The following RRN3 variants were observed in gnomAD, a reference collection of about 807,000 sequenced individuals.
RRN3 encodes RNA polymerase I-specific transcription initiation factor RRN3.
Under a neutral mutation model 82.3 loss-of-function variants are expected in RRN3, and 38 were observed. That is an observed-to-expected ratio of 0.46 (90% CI 0.36 to 0.61). The LOEUF is 0.61. Ranked by LOEUF, RRN3 falls within the 20% of genes least tolerant of loss-of-function variation. The probability of loss-of-function intolerance (pLI) is 0.00; values close to 1 mark genes in which losing one functional copy is unlikely to be tolerated. For missense variants in RRN3, 726 were observed against 793.1 expected, an observed-to-expected ratio of 0.92 and a Z score of 1.02; for synonymous variants, 284 against 284.3, an observed-to-expected ratio of 1.00 and a Z score of 0.01.
At chr16:15,078,971 C>G (rs1052318202) in intron 9 of RRN3, among the ~76,000 whole-genome samples, 26 of 151,984 alleles carry the variant, frequency 1.7e-4, no homozygotes, top group Non-Finnish European at 2.6e-4. Flanking sequence ...ACCACCATAC[C>G]CGGCCAATTT....
intron 8 of RRN3, 46 bp downstream of exon 8, chr16:15,083,467 G>A (rs567670200): frequency 7.5e-6 from 12 of 1,605,272 alleles, no homozygotes; most frequent in East Asian, 2.2e-5. Flanking sequence ...AAATGAAATC[G>A]TACAAACAAC....
rs2045843263 is a variant in RRN3 at position 15,084,649 on chromosome 16, CAT to C, written c.587_588del (p.Tyr196CysfsTer32). ...AAGGAAAAGTATACTCACGATGGTA[CAT>C]ATCTTGCTATTATTTGCAAGGCTCT... ...CHRALQIIAR[Y>X]VPSTPWFLMP... On this transcript the variant is annotated frameshift_variant, in exon 7 of 18. Coordinates refer to ENST00000198767, the MANE Select transcript of RRN3 (RefSeq NM_018427.5). LOFTEE classifies it high-confidence loss of function. 1 of 1,605,940 alleles carries C rather than the reference CAT, an allele frequency of 6.2e-7. No homozygotes were observed.
rs1227541118 is a variant in RRN3 at position 15,061,132 on chromosome 16, G to A, written c.*612C>T. 1 of 152,148 alleles carries A rather than the reference G, an allele frequency of 6.6e-6. No individual in the cohort carries two copies. The highest frequency in any genetic ancestry group is 2.4e-5 in the African/African-American group (1 of 41,406). The allele number at this position is 152,148 out of a possible 1,614,324, so 9.4% of individuals were successfully genotyped here. ...GCTTTTATTGGTCTCTGAAGTCCCT[G>A]GAGATCTTCAGTGCCAGCTCCAACT... On this transcript the variant is annotated 3_prime_UTR_variant, in exon 18 of 18. Coordinates refer to ENST00000198767, the MANE Select transcript of RRN3 (RefSeq NM_018427.5).
intron 1 of RRN3, chr16:15,093,907 GAC>G (rs1397556102): frequency 1.9e-6 from 1 of 536,684 alleles, no homozygotes; most frequent in Non-Finnish European, 3.2e-6. Context: ...ATCACGAAGA[GAC>G]ACAGTCGGGA....
At chr16:15,089,326 A>T (rs2046027150) in intron 3 of RRN3, among the ~76,000 whole-genome samples, 1 of 152,118 alleles carries the variant, frequency 6.6e-6, no homozygotes, top group Non-Finnish European at 1.5e-5. Flanking sequence ...ATAAGTCTGG[A>T]GCCCACAAGA....
chr16:15,068,682 A>G (rs1478004577), intron 14 of RRN3, among the ~76,000 whole-genome samples: 13 of 152,266 alleles, frequency 8.5e-5, no homozygotes, highest in Non-Finnish European at 1.8e-4. Context: ...ATGTCTTGTT[A>G]GTGAAGCTGA....
chr16:15,076,801 A>G, intron 9 of RRN3, 151 bp from the exon 10 acceptor site: 4 of 626,446 alleles, frequency 6.4e-6, no homozygotes, highest in Non-Finnish European at 1.1e-5. Flanking sequence ...ATTATGGTGC[A>G]AGCCTGTAAA....
chr16:15,077,614 G>A (rs1347867346), intron 9 of RRN3, among the ~76,000 whole-genome samples: 2 of 152,210 alleles, frequency 1.3e-5, no homozygotes, highest in Non-Finnish European at 2.9e-5. Context: ...GGCCGAGGTG[G>A]ACGGATCATG....
intron 12 of RRN3, among the ~76,000 whole-genome samples, chr16:15,072,726 G>T (rs2045289007): frequency 6.6e-6 from 1 of 152,136 alleles, no homozygotes; most frequent in Non-Finnish European, 1.5e-5. Flanking sequence ...AGCCCAAGAG[G>T]TGGAGGTTGC....
At position 15,072,989 on chromosome 16, in the gene RRN3, A is replaced by T; in HGVS notation, c.1089T>A (p.His363Gln). Residue 363 changes from histidine (H) to glutamine (Q), a missense_variant, in exon 12 of 18, where the codon CAT (histidine) becomes CAA (glutamine). Physicochemically the swap from His to Gln is conservative, Grantham distance 24 (BLOSUM62 0). This residue lies in a region of RRN3 where 344 missense variants were observed against 394.5 expected (regional missense o/e 0.87). Transcript: ENST00000198767. ...AGAGGTAAAACATGAAAAACTGTAC[A>T]TGGCAGGAGGCATGGGTGGGCAACA... ...KLLLPTHASC[H>Q]VQFFMFYLCS... 1 of 1,613,720 alleles carries T rather than the reference A, an allele frequency of 6.2e-7. No homozygotes were observed. Among genetic ancestry groups the T allele is most frequent in the Non-Finnish European group, 8.5e-7 (1 of 1,179,868 alleles).
chr16:15,074,383 A>G (rs2045363911), intron 11 of RRN3, among the ~76,000 whole-genome samples: 1 of 152,224 alleles, frequency 6.6e-6, no homozygotes, highest in South Asian at 2.1e-4. Context: ...AACTCAATAC[A>G]TAACGGAGCA....
At chr16:15,089,413 A>C (rs927492616) in intron 3 of RRN3, among the ~76,000 whole-genome samples, 3 of 152,170 alleles carry the variant, frequency 2.0e-5, no homozygotes, top group African/African-American at 7.2e-5. Context: ...AGGAGATCAC[A>C]CAGAAGAATC....
chr16:15,071,178 T>A lies in RRN3; in HGVS notation c.1202A>T (p.Gln401Leu). The A allele has an allele frequency of 6.2e-7, 1 of 1,611,336 alleles. No homozygotes were observed. Among genetic ancestry groups the A allele is most frequent in the Non-Finnish European group, 8.5e-7 (1 of 1,179,558 alleles). ...GCTTCCAATATAATTTCCAGCAGCCTGCCTGATGATGGCAGGATTACTTGG... is the reference window on the plus strand; with the variant it reads ...GCTTCCAATATAATTTCCAGCAGCCAGCCTGATGATGGCAGGATTACTTGG... ...QDPSNPAIIRQAAGNYIGSFL... is the reference protein window; with the variant it reads ...QDPSNPAIIRLAAGNYIGSFL... Residue 401 changes from glutamine (Q) to leucine (L), a missense_variant, in exon 13 of 18, where the codon CAG becomes CTG. By Grantham distance (113) the Gln-to-Leu change is moderately radical. Around this residue, in one of 4 missense-constraint regions of RRN3, gnomAD observed 81 missense variants for 156.4 expected, o/e 0.52. Coordinates refer to ENST00000198767, the MANE Select transcript of RRN3 (RefSeq NM_018427.5).
At chr16:15,089,980 G>C (rs557121034) in intron 3 of RRN3, among the ~76,000 whole-genome samples, 1 of 151,638 alleles carries the variant, frequency 6.6e-6, no homozygotes, top group African/African-American at 2.4e-5. Flanking sequence ...AGGCCAAGGC[G>C]GGCAGGTCAC....
chr16:15,088,187 T>C (rs1047530093), intron 3 of RRN3, among the ~76,000 whole-genome samples: 4 of 151,922 alleles, frequency 2.6e-5, no homozygotes, highest in African/African-American at 7.2e-5. Flanking sequence ...TTATTTCTAC[T>C]AGCAGGCAGG....
intron 14 of RRN3, among the ~76,000 whole-genome samples, chr16:15,069,392 C>T (rs1006032016): frequency 1.3e-5 from 2 of 152,180 alleles, no homozygotes; most frequent in African/African-American, 4.8e-5. Flanking sequence ...AAGAATTATT[C>T]ATAAACATAA....
chr16:15,084,580 T>A, intron 7 of RRN3, 62 bp downstream of exon 7: 7 of 1,191,092 alleles, frequency 5.9e-6, no homozygotes, highest in Admixed American at 2.0e-5. Context: ...TTTATAATTT[T>A]TACTAATTGA....
chr16:15,060,201 T>C lies in RRN3; in HGVS notation c.*1543A>G, dbSNP rs747021306. Reference sequence around the variant, plus strand: ...ACTTCCCAACCCACAAAGACCCCACTTACTACTAATTTCTGGGGAATTTCG... The same window carrying C: ...ACTTCCCAACCCACAAAGACCCCACCTACTACTAATTTCTGGGGAATTTCG... On this transcript the variant is annotated 3_prime_UTR_variant, in exon 18 of 18. Coordinates refer to ENST00000198767, the MANE Select transcript of RRN3 (RefSeq NM_018427.5). 1 of 399,642 alleles carries C rather than the reference T, an allele frequency of 2.5e-6. No homozygotes were observed. 24.8% of individuals were successfully genotyped at this position (399,642 alleles called of 1,614,324 possible). A position where few individuals can be genotyped will look rare whatever the true frequency, so the allele number is the denominator to read the frequency against.
Position 15,086,365 on chromosome 16 carries a change from T to G in RRN3, c.342A>C (p.Leu114Phe). 6.2e-7 allele frequency: 1 copy of G among 1,613,662 alleles called. No homozygotes were observed. The highest frequency in any genetic ancestry group is 8.5e-7 in the Non-Finnish European group (1 of 1,179,704). Residue 114 changes from leucine to phenylalanine, a missense_variant and splice_region_variant, in exon 4 of 18, where the codon TTA becomes TTC. Leu to Phe is a conservative substitution (Grantham distance 22). Around this residue, in one of 4 missense-constraint regions of RRN3, gnomAD observed 344 missense variants for 394.5 expected, o/e 0.87. Transcript: ENST00000198767. Reference protein sequence around the residue: ...KDFEQLISIILRLPWLNRSQT... With the variant: ...KDFEQLISIIFRLPWLNRSQT... ...ACAGTAAAATAAATGGTGAACTTAC[T>G]AATATAATACTGATAAGTTGCTCAA...
Sources: allele counts gnomAD v4.1 joint callset (sites outside exome capture counted in the v4.1 genomes callset), GRCh38; gene constraint gnomAD v4.1.1; regional missense constraint gnomAD v4.1.1; transcripts MANE v1.5; gene names NCBI Gene and HGNC (gene_info 2026-07-23, HGNC 2026-07-21).